The following PCDHGA4 variants were observed in gnomAD, a reference collection of about 807,000 sequenced individuals.
PCDHGA4 encodes the protein protocadherin gamma subfamily A, 4, also known as protocadherin gamma-A4.
PCDHGA4 carries 38 observed loss-of-function variants against 54.6 expected under a neutral mutation model. The observed-to-expected ratio is 0.70, with a 90% CI of 0.54 to 0.91. The LOEUF is 0.91. PCDHGA4 is among the 40% of genes least tolerant of loss of function. PCDHGA4 has a pLI of 0.00. For synonymous variants in PCDHGA4, 511 were observed against 512.9 expected, an observed-to-expected ratio of 1.00 and a Z score of 0.05; for missense variants, 1,298 against 1,220.9, an observed-to-expected ratio of 1.06 and a Z score of -0.94.
At chr5:141,496,734 G>A (rs527288196) in intron 2 of PCDHGA4, among the ~76,000 whole-genome samples, 4 of 152,066 alleles carry the variant, frequency 2.6e-5, no homozygotes, top group Non-Finnish European at 4.4e-5. Flanking sequence ...GTATTCATTC[G>A]TTCATTTATT....
chr5:141,459,105 T>C (rs904382532), intron 1 of PCDHGA4, among the ~76,000 whole-genome samples: 7 of 152,208 alleles, frequency 4.6e-5, no homozygotes, highest in Non-Finnish European at 7.4e-5. Flanking sequence ...GCAATGCATT[T>C]TGACAATTGT....
intron 1 of PCDHGA4, among the ~76,000 whole-genome samples, chr5:141,373,276 G>T (rs1769464753): frequency 6.6e-6 from 1 of 152,204 alleles, no homozygotes; most frequent in Non-Finnish European, 1.5e-5. Flanking sequence ...CACAGATGTT[G>T]CCTATGTCAG....
intron 1 of PCDHGA4, chr5:141,441,746 C>T: frequency 2.7e-6 from 1 of 371,314 alleles, no homozygotes; most frequent in East Asian, 9.8e-5. Flanking sequence ...TCGCGCTCGG[C>T]GTCAACGTGA....
intron 1 of PCDHGA4, among the ~76,000 whole-genome samples, chr5:141,402,439 G>C (rs1278186410): frequency 6.6e-6 from 1 of 151,914 alleles, no homozygotes; most frequent in East Asian, 1.9e-4. Context: ...TCATAAAAAG[G>C]AAATTATAAT....
Position 141,431,264 on chromosome 5 carries a change from A to T in PCDHGA4, c.2515-63543A>T. The T allele has an allele frequency of 6.2e-7, 1 of 1,614,170 alleles. No individual in the cohort carries two copies. On this transcript the variant is annotated intron_variant, in intron 1 of 3. Coordinates refer to ENST00000571252, the MANE Select transcript of PCDHGA4 (RefSeq NM_018917.4). This position sits in a 1 kb window ranked among gnomAD's most constrained non-coding sequence, Gnocchi z 4.8. ...GGATATCGGGAAGAACTCTCTGCAG[A>T]GCTACGAGCTCAGCCCGAACACTCA...
intron 1 of PCDHGA4, chr5:141,391,956 A>G (rs1440560320): frequency 6.6e-6 from 1 of 152,246 alleles, no homozygotes; most frequent in Non-Finnish European, 1.5e-5. Flanking sequence ...AAAAATATAA[A>G]CAATGTAAAT....
At chr5:141,368,710 A>G (rs1008956527) in intron 1 of PCDHGA4, among the ~76,000 whole-genome samples, 1 of 152,160 alleles carries the variant, frequency 6.6e-6, no homozygotes, top group African/African-American at 2.4e-5. Flanking sequence ...TGATCCATAC[A>G]TTTTGAATGT....
At chr5:141,404,720 A>C in intron 1 of PCDHGA4, 1 of 1,613,804 alleles carries the variant, frequency 6.2e-7, no homozygotes, top group Non-Finnish European at 8.5e-7. Flanking sequence ...CCTGGTGACC[A>C]AGGTGGTGGC....
chr5:141,485,995 T>G lies in PCDHGA4; in HGVS notation c.2515-8812T>G. 1 of 1,614,176 alleles carries G rather than the reference T, an allele frequency of 6.2e-7. No individual in the cohort carries two copies. On this transcript the variant is annotated intron_variant, in intron 1 of 3. Transcript: ENST00000571252. The surrounding 1 kb of genome is among the most constrained non-coding windows in gnomAD (Gnocchi z 5.7). ...CCTCAGACCCGGACCTGGGTCCCAG[T>G]GGTAACGTCACCTTTTATTTCAGTG...
intron 1 of PCDHGA4, chr5:141,440,087 A>C (rs1014881024): frequency 6.6e-6 from 1 of 152,316 alleles, no homozygotes; most frequent in African/African-American, 2.4e-5. Context: ...CTTCATTCTA[A>C]GTGGGGAAAG....
intron 1 of PCDHGA4, chr5:141,426,995 C>A (rs772977735): frequency 2.2e-6 from 1 of 456,694 alleles, no homozygotes; most frequent in South Asian, 1.5e-5. Context: ...ACGATAATGC[C>A]CCAGTTTTTA....
chr5:141,432,096 A>G lies in PCDHGA4; in HGVS notation c.2515-62711A>G, dbSNP rs763154183. On this transcript the variant is annotated intron_variant, in intron 1 of 3. Transcript: ENST00000571252. This position sits in a 1 kb window ranked among gnomAD's most constrained non-coding sequence, Gnocchi z 6.0. Reference sequence around the variant, plus strand: ...ATCTCGCTGAACGTGGCAGACACCAACGACAACCCGCCGGTCTTCCCTCAG... The same window carrying G: ...ATCTCGCTGAACGTGGCAGACACCAGCGACAACCCGCCGGTCTTCCCTCAG... The G allele has an allele frequency of 1.9e-6, 3 of 1,613,944 alleles. No homozygotes were observed. Among genetic ancestry groups the G allele is most frequent in the East Asian group, 2.2e-5 (1 of 44,870 alleles).
At chr5:141,372,414 G>C (rs1290805149) in intron 1 of PCDHGA4, 1 of 1,613,910 alleles carries the variant, frequency 6.2e-7, no homozygotes, top group African/African-American at 1.3e-5. Flanking sequence ...GATACAACCT[G>C]ACCTTAGCGA....
intron 1 of PCDHGA4, chr5:141,379,423 A>G (rs1261037274): frequency 3.3e-5 from 5 of 152,260 alleles, no homozygotes. Context: ...CTCATGAGTT[A>G]GATGGGCTGT....
In PCDHGA4 at chr5:141,404,391, A is replaced by T. The variant is rs773558298; in HGVS notation, c.2514+46770A>T. On this transcript the variant is annotated intron_variant, in intron 1 of 3. Transcript: ENST00000571252. ...TTCTCCGTGATTGCCTATGACCCTG[A>T]TAGCAATGAGAATTCTAGAGTTATT... 3.7e-6 allele frequency: 6 copies of T among 1,613,806 alleles called. No homozygotes were observed. Among genetic ancestry groups the T allele is most frequent in the Non-Finnish European group, 5.1e-6 (6 of 1,179,894 alleles).
At chr5:141,492,834 G>A (rs544218873) in intron 1 of PCDHGA4, among the ~76,000 whole-genome samples, 7 of 152,214 alleles carry the variant, frequency 4.6e-5, no homozygotes, top group African/African-American at 1.7e-4. Context: ...CCTTCCTCCC[G>A]CAGGAAGTGA....
chr5:141,422,539 C>G, intron 1 of PCDHGA4: 1 of 1,613,994 alleles, frequency 6.2e-7, no homozygotes, highest in Non-Finnish European at 8.5e-7. Flanking sequence ...TGCAGAAACT[C>G]ATGTCTGGCT....
intron 1 of PCDHGA4, chr5:141,365,574 C>T: frequency 1.9e-6 from 3 of 1,613,636 alleles, no homozygotes; most frequent in South Asian, 1.1e-5. Context: ...AGAGAAGAGA[C>T]TTCAGATTAT....
In PCDHGA4 at chr5:141,372,836, A is replaced by G. The variant is rs755204859; in HGVS notation, c.2514+15215A>G. 4 of 1,532,454 alleles carry G rather than the reference A, an allele frequency of 2.6e-6. No homozygotes were observed. In the East Asian group the frequency reaches 6.9e-5, roughly 27 times the overall value. The allele number at this position is 1,532,454 out of a possible 1,614,324, so 94.9% of individuals were successfully genotyped here. On this transcript the variant is annotated intron_variant, in intron 1 of 3. Coordinates refer to ENST00000571252, the MANE Select transcript of PCDHGA4 (RefSeq NM_018917.4). ...TGAGTTTCTTCAAACCTTTCCTTCC[A>G]TAAATATAATTGGGTTTCAATTCAT... is the stretch of plus-strand genomic sequence containing the variant.
Sources: gnomAD v4.1 joint callset for allele counts (sites outside exome capture counted in the v4.1 genomes callset) on GRCh38, gnomAD v4.1.1 for gene constraint, Gnocchi (gnomAD v3.1) non-coding constraint, MANE v1.5 for transcripts, NCBI Gene and HGNC (gene_info 2026-07-23, HGNC 2026-07-21) for gene names.